Variants in CYLC1 observed in about 807,000 individuals in gnomAD.
CYLC1 encodes cylicin-1.
In CYLC1, 2 loss-of-function variants were observed where a neutral mutation model predicts 31.6. That is an observed-to-expected ratio of 0.06 (90% CI 0.03 to 0.20). CYLC1 has a LOEUF of 0.20. Ranked by LOEUF, CYLC1 falls within the 10% of genes least tolerant of loss-of-function variation. The pLI is 1.00. For synonymous variants in CYLC1, 185 were observed against 153.0 expected (o/e 1.21, Z -1.54); for missense variants, 595 against 424.1 (o/e 1.40, Z -3.54).
chrX:83,878,107 T>A (rs866800005), intron 4 of CYLC1, among the ~76,000 whole-genome samples: 72 of 50,925 alleles, frequency 1.4e-3, no homozygotes, highest in South Asian at 0.011. Context: ...TAAATATAAA[T>A]ATATATATTT....
intron 1 of CYLC1, among the ~76,000 whole-genome samples, chrX:83,865,658 C>T (rs982327815): frequency 1.8e-5 from 2 of 111,332 alleles, no homozygotes; most frequent in Non-Finnish European, 3.8e-5. Context: ...TATTCCTTGC[C>T]TTTTTTAGCT....
chrX:83,878,648 A>G, intron 4 of CYLC1, among the ~76,000 whole-genome samples: 1 of 98,660 alleles, frequency 1.0e-5, no homozygotes, highest in South Asian at 4.5e-4. Flanking sequence ...TCACAGTAGG[A>G]GACATTCGGA....
chrX:83,862,277 A>T (rs1363369569), intron 1 of CYLC1, among the ~76,000 whole-genome samples: 1 of 110,226 alleles, frequency 9.1e-6, no homozygotes, highest in Non-Finnish European at 1.9e-5. Flanking sequence ...CACGCCTGTA[A>T]TCCCAGCACT....
chrX:83,868,837 G>A (rs1053621652), intron 1 of CYLC1, among the ~76,000 whole-genome samples: 1 of 110,155 alleles, frequency 9.1e-6, no homozygotes, highest in Non-Finnish European at 1.9e-5. Flanking sequence ...TATCTTTCAC[G>A]TTATTTTACT....
chrX:83,865,766 C>T (rs988412680), intron 1 of CYLC1, among the ~76,000 whole-genome samples: 2 of 111,295 alleles, frequency 1.8e-5, no homozygotes, highest in African/African-American at 6.5e-5. Context: ...TCTTCTTTTA[C>T]CTATTTCTTA....
In CYLC1 at chrX:83,873,476, T is replaced by C; in HGVS notation, c.768T>C (p.Asp256=). ...DFLMLVGQSD[D]ESINFDAWLR... is the part of the protein sequence containing the mutation. Reference sequence around the variant, plus strand: ...TCATGTTAGTGGGACAGTCTGATGATGAATCCATAAATTTTGATGCATGGT... The same window carrying C: ...TCATGTTAGTGGGACAGTCTGATGACGAATCCATAAATTTTGATGCATGGT... Residue 256 remains aspartate, a synonymous_variant, in exon 4 of 5, where the codon GAT becomes GAC. Coordinates refer to ENST00000329312, the MANE Select transcript of CYLC1 (RefSeq NM_021118.3). 2 of 1,195,292 alleles carry C rather than the reference T, an allele frequency of 1.7e-6. No homozygotes were observed. The highest frequency in any genetic ancestry group is 3.5e-5 in the African/African-American group (2 of 57,056).
Position 83,873,098 on chromosome X carries a change from T to G in CYLC1, c.390T>G (p.Asp130Glu). 8.4e-7 allele frequency: 1 copy of G among 1,193,720 alleles called. No homozygotes were observed. The highest frequency in any genetic ancestry group is 1.8e-5 in the African/African-American group (1 of 56,394). The change falls in exon 4 of 5, where the codon GAT becomes GAG. Residue 130 changes from aspartate (D) to glutamate (E), a missense_variant. Coordinates refer to ENST00000329312, the MANE Select transcript of CYLC1 (RefSeq NM_021118.3). ...AAGGAGGAACACCTTTGAAGAAAGATTCCAAGAAAAAAGGAGGTTCATATG... is the reference window on the plus strand; with the variant it reads ...AAGGAGGAACACCTTTGAAGAAAGAGTCCAAGAAAAAAGGAGGTTCATATG... ...DEKGGTPLKKDSKKKGGSYAT... is the reference protein window; with the variant it reads ...DEKGGTPLKKESKKKGGSYAT...
chrX:83,864,601 T>TCTTTTTG, intron 1 of CYLC1: 1 of 231,675 alleles, frequency 4.3e-6, no homozygotes, highest in Non-Finnish European at 7.9e-6. Context: ...ATATGGTGGA[T>TCTTTTTG]AATTCAAAAA....
chrX:83,864,382 A>G (rs190281005), intron 1 of CYLC1, among the ~76,000 whole-genome samples: 1 of 110,934 alleles, frequency 9.0e-6, no homozygotes, highest in African/African-American at 3.3e-5. Context: ...CAGTGTTCAA[A>G]AAAAGTAGTA....
chrX:83,876,998 T>G (rs1443691771), intron 4 of CYLC1, among the ~76,000 whole-genome samples: 3 of 111,198 alleles, frequency 2.7e-5, no homozygotes, highest in African/African-American at 9.8e-5. Context: ...AAATCTCCAC[T>G]ATAGTATCTA....
At chrX:83,886,278 A>T (rs1159876055) in intron 4 of CYLC1, among the ~76,000 whole-genome samples, 1 of 111,540 alleles carries the variant, frequency 9.0e-6, no homozygotes, top group Non-Finnish European at 1.9e-5. Context: ...ACCATTCAGT[A>T]CTTCTCACTC....
At chrX:83,877,535 T>A (rs1236773753) in intron 4 of CYLC1, among the ~76,000 whole-genome samples, 1 of 110,629 alleles carries the variant, frequency 9.0e-6, no homozygotes, top group Non-Finnish European at 1.9e-5. Context: ...GGCATTCTTT[T>A]TGTTTCTCAT....
intron 4 of CYLC1, among the ~76,000 whole-genome samples, chrX:83,885,746 TAAG>T (rs938718439): frequency 9.2e-6 from 1 of 108,991 alleles, no homozygotes; most frequent in Non-Finnish European, 1.9e-5. Context: ...CAGAAGAAAA[TAAG>T]AAGAAAAAAC....
intron 1 of CYLC1, among the ~76,000 whole-genome samples, chrX:83,862,997 T>G (rs1003962419): frequency 9.0e-6 from 1 of 111,674 alleles, no homozygotes; most frequent in African/African-American, 3.3e-5. Context: ...CAACTTTGAA[T>G]CTCATGTCAT....
intron 4 of CYLC1, among the ~76,000 whole-genome samples, chrX:83,883,217 A>G (rs2031936216): frequency 9.0e-6 from 1 of 111,515 alleles, no homozygotes; most frequent in Non-Finnish European, 1.9e-5. Flanking sequence ...TTGGGTTGAT[A>G]TTAATATTGT....
At chrX:83,866,123 A>T (rs192253197) in intron 1 of CYLC1, among the ~76,000 whole-genome samples, 100 of 111,846 alleles carry the variant, frequency 8.9e-4, no homozygotes, top group South Asian at 7.1e-3. Context: ...AGATTCTGTA[A>T]GTGTTCCATC....
intron 4 of CYLC1, among the ~76,000 whole-genome samples, chrX:83,877,988 A>G (rs1466626528): frequency 5.5e-5 from 4 of 73,137 alleles, no homozygotes; most frequent in Non-Finnish European, 7.1e-5. Flanking sequence ...AAATATAAAT[A>G]TATATATTTG....
Position 83,871,498 on chromosome X carries a change from G to T in CYLC1, c.105G>T (p.Leu35Phe). Residue 35 changes from leucine to phenylalanine, a missense_variant, in exon 3 of 5, where the codon TTG becomes TTT. Transcript: ENST00000329312. ...RKSWNQKHFA[L>F]TFPKPLQRGT... Reference sequence around the variant, plus strand: ...CATGGAATCAAAAACACTTTGCTTTGACATTTCCCAAACCACTCCAGAGAG... The same window carrying T: ...CATGGAATCAAAAACACTTTGCTTTTACATTTCCCAAACCACTCCAGAGAG... 2 of 1,204,757 alleles carry T rather than the reference G, an allele frequency of 1.7e-6. No homozygotes were observed. The highest frequency in any genetic ancestry group is 2.2e-6 in the Non-Finnish European group (2 of 891,816).
At chrX:83,882,240 A>C (rs764426080) in intron 4 of CYLC1, among the ~76,000 whole-genome samples, 100 of 111,234 alleles carry the variant, frequency 9.0e-4, no homozygotes, top group South Asian at 7.5e-3. Context: ...TCTTCCATAA[A>C]AGATAAAGAT....
Sources: gnomAD v4.1 joint callset for allele counts (sites outside exome capture counted in the v4.1 genomes callset) on GRCh38, gnomAD v4.1.1 for gene constraint, MANE v1.5 for transcripts, NCBI Gene and HGNC (gene_info 2026-07-23, HGNC 2026-07-21) for gene names.